Variants in LCA5 observed in about 807,000 individuals in gnomAD.
The protein encoded by LCA5 is lebercilin LCA5, also known as lebercilin.
A neutral mutation model predicts 53.0 loss-of-function variants in LCA5; 37 were observed. That is an observed-to-expected ratio of 0.70 (90% CI 0.54 to 0.92). The LOEUF (loss-of-function observed/expected upper bound fraction) is 0.92. Among genes scored for constraint, LCA5 ranks in the 40% least tolerant of loss-of-function variants. The pLI is 0.00. For missense variants in LCA5, 806 were observed against 790.5 expected (o/e 1.02, Z -0.23); for synonymous variants, 303 against 282.9 (o/e 1.07, Z -0.71).
At chr6:79,522,930 TC>T (rs1214566663) in intron 1 of LCA5, among the ~76,000 whole-genome samples, 1 of 151,902 alleles carries the variant, frequency 6.6e-6, no homozygotes, top group Non-Finnish European at 1.5e-5. Flanking sequence ...AGAATCTTTA[TC>T]TTTTAGAGAT....
Position 79,492,563 on chromosome 6 carries a change from A to C in LCA5, c.943T>G (p.Leu315Val). 1 of 1,515,606 alleles carries C rather than the reference A, an allele frequency of 6.6e-7. No individual in the cohort carries two copies. The highest frequency in any genetic ancestry group is 9.1e-7 in the Non-Finnish European group (1 of 1,098,722). 93.9% of individuals were successfully genotyped at this position (1,515,606 alleles called of 1,614,324 possible). A position where few individuals can be genotyped will look rare whatever the true frequency, so the allele number is the denominator to read the frequency against. ...ATATTTACCATACCATTTTTTCTTA[A>C]TGCAAGTTCTTTCTCTTTATTTGGA... ...SSPNKEKELA[L>V]RKNAACQSDF... The change falls in exon 5 of 8, where the codon TTA becomes GTA. Residue 315 changes from leucine to valine, a missense_variant. Physicochemically the swap from Leu to Val is conservative, Grantham distance 32. Coordinates refer to ENST00000369846, the MANE Select transcript of LCA5 (RefSeq NM_001122769.3).
chr6:79,487,766 T>C lies in LCA5; in HGVS notation c.1332A>G (p.Gly444=). The change falls in exon 8 of 8, where the codon GGA becomes GGG. Residue 444 remains glycine (G), a synonymous_variant. Coordinates refer to ENST00000369846, the MANE Select transcript of LCA5 (RefSeq NM_001122769.3). ...PEWETGRYQL[G]MYPIQNMDKL... is the part of the protein sequence containing the mutation. The stretch of plus-strand genomic sequence containing the variant: ...TATCCATATTCTGAATTGGATACAT[T>C]CCTAGTTGGTACCTTCCAGTTTCCC... The C allele has an allele frequency of 6.2e-7, 1 of 1,613,802 alleles. No individual in the cohort carries two copies. The highest frequency in any genetic ancestry group is 8.5e-7 in the Non-Finnish European group (1 of 1,179,782).
chr6:79,538,023 T>TTG (rs1767208809), upstream of LCA5, among the ~76,000 whole-genome samples: 3 of 65,856 alleles, frequency 4.6e-5, no homozygotes, highest in Non-Finnish European at 8.5e-5. Flanking sequence ...CACAAGTTTT[T>TTG]TTTTTTTTTT....
chr6:79,502,379 T>G (rs1770164876), intron 3 of LCA5, among the ~76,000 whole-genome samples: 1 of 152,242 alleles, frequency 6.6e-6, no homozygotes, highest in South Asian at 2.1e-4. Context: ...GAGTCTGCCC[T>G]AAGTAATGGA....
chr6:79,503,728 A>G (rs1260010931), intron 3 of LCA5, among the ~76,000 whole-genome samples: 1 of 152,214 alleles, frequency 6.6e-6, no homozygotes, highest in African/African-American at 2.4e-5. Flanking sequence ...GGTTCAAATA[A>G]TTTAAGTGGT....
At chr6:79,497,261 C>A (rs190847540) in intron 3 of LCA5, among the ~76,000 whole-genome samples, 147 of 152,260 alleles carry the variant, frequency 9.7e-4, no homozygotes, top group African/African-American at 3.2e-3. Flanking sequence ...GGCAGCTCCA[C>A]ATAGACTGCT....
chr6:79,525,376 T>C (rs1262663524), intron 1 of LCA5: 1 of 152,180 alleles, frequency 6.6e-6, no homozygotes, highest in East Asian at 1.9e-4. Context: ...CTTTTACACC[T>C]GGGCTAAAAA....
intron 3 of LCA5, among the ~76,000 whole-genome samples, chr6:79,509,284 T>C (rs1191985045): frequency 6.6e-6 from 1 of 151,912 alleles, no homozygotes; most frequent in African/African-American, 2.4e-5. Flanking sequence ...GTGAATCCCG[T>C]CTCCACTGAA....
At chr6:79,520,153 G>T (rs888410240) in intron 1 of LCA5, among the ~76,000 whole-genome samples, 5 of 151,918 alleles carry the variant, frequency 3.3e-5, no homozygotes, top group African/African-American at 1.2e-4. Flanking sequence ...AATATTTAAT[G>T]TAGTACAGTA....
At chr6:79,499,980 AATG>A (rs1391701123) in intron 3 of LCA5, among the ~76,000 whole-genome samples, 27 of 151,386 alleles carry the variant, frequency 1.8e-4, no homozygotes, top group Admixed American at 4.6e-4. Context: ...GTTTACTGAG[AATG>A]ATGATTTCCA....
chr6:79,498,148 G>A (rs1400195673), intron 3 of LCA5, among the ~76,000 whole-genome samples: 1 of 145,544 alleles, frequency 6.9e-6, no homozygotes, highest in African/African-American at 2.6e-5. Context: ...AGAGCATGAT[G>A]TATGCAAGTT....
chr6:79,507,071 A>C (rs1413083977), intron 3 of LCA5, among the ~76,000 whole-genome samples: 1 of 152,164 alleles, frequency 6.6e-6, no homozygotes, highest in Non-Finnish European at 1.5e-5. Context: ...GGCTACCAAA[A>C]TACTCCTCCA....
chr6:79,530,078 A>G (rs1173865580), intron 1 of LCA5, among the ~76,000 whole-genome samples: 1 of 152,132 alleles, frequency 6.6e-6, no homozygotes, highest in Non-Finnish European at 1.5e-5. Context: ...CACATTGTGC[A>G]CATGTACCCT....
intron 3 of LCA5, among the ~76,000 whole-genome samples, chr6:79,504,474 G>A (rs890104027): frequency 2.0e-5 from 3 of 152,160 alleles, no homozygotes; most frequent in Non-Finnish European, 4.4e-5. Context: ...ATGACATACA[G>A]AAAACACAAG....
intron 3 of LCA5, among the ~76,000 whole-genome samples, chr6:79,505,448 T>TG (rs1770249862): frequency 6.6e-6 from 1 of 152,158 alleles, no homozygotes. Context: ...AGGACTTAAT[T>TG]GGGGGGCATA....
At chr6:79,528,216 C>T (rs953246112) in intron 1 of LCA5, among the ~76,000 whole-genome samples, 3 of 152,150 alleles carry the variant, frequency 2.0e-5, no homozygotes, top group Admixed American at 6.5e-5. Context: ...TTCTTTCCTG[C>T]ATTGCGGAGG....
At chr6:79,535,016 A>C (rs1222121956) in intron 1 of LCA5, among the ~76,000 whole-genome samples, 2 of 152,156 alleles carry the variant, frequency 1.3e-5, no homozygotes, top group South Asian at 2.1e-4. Context: ...GCTCTTCTAT[A>C]ATCTTTCTTA....
intron 3 of LCA5, among the ~76,000 whole-genome samples, chr6:79,498,208 CAG>C (rs1388983593): frequency 6.6e-6 from 1 of 150,858 alleles, no homozygotes; most frequent in African/African-American, 2.4e-5. Context: ...ATGCATATGA[CAG>C]AGAGACCACA....
At position 79,489,213 on chromosome 6, in the gene LCA5, A is replaced by T; in HGVS notation, c.1102T>A (p.Leu368Met). The T allele has an allele frequency of 1.2e-6, 2 of 1,611,280 alleles. No individual in the cohort carries two copies. Among genetic ancestry groups the T allele is most frequent in the Non-Finnish European group, 1.7e-6 (2 of 1,179,532 alleles). ...TGCCTGTCTTGCTTTTGAGATTGCA[A>T]GTCCTATTATACGTTAAAAAAAATG... ...WEEPGHLTLD[L>M]QSQKQDRHGE... The change falls in exon 7 of 8, where the codon TTG becomes ATG. Residue 368 changes from leucine to methionine, a missense_variant. Transcript: ENST00000369846.
Sources: gnomAD v4.1 joint callset for allele counts (sites outside exome capture counted in the v4.1 genomes callset) on GRCh38, gnomAD v4.1.1 for gene constraint, MANE v1.5 for transcripts, NCBI Gene and HGNC (gene_info 2026-07-23, HGNC 2026-07-21) for gene names.